The following IGSF11 variants were observed in gnomAD, a reference collection of about 807,000 sequenced individuals.
The protein encoded by IGSF11 is CXADR like 1.
Under a neutral mutation model 41.0 loss-of-function variants are expected in IGSF11, and 22 were observed. That is an observed-to-expected ratio of 0.54 (90% CI 0.38 to 0.77). IGSF11 has a LOEUF of 0.77. Among genes scored for constraint, IGSF11 ranks in the 30% least tolerant of loss-of-function variants. The pLI is 0.00. For missense variants in IGSF11, 444 were observed against 530.8 expected (o/e 0.84, Z 1.61); for synonymous variants, 219 against 201.3 (o/e 1.09, Z -0.74).
In IGSF11 at chr3:118,902,472, T is replaced by G; in HGVS notation, c.*48A>C. ...TCCCCACCCCACCCTCCCCCTTGTA[T>G]GAGGGCATTCCATTTATTCATTTCT... On this transcript the variant is annotated 3_prime_UTR_variant, in exon 7 of 7. Transcript: ENST00000393775. The G allele has an allele frequency of 1.4e-6, 1 of 702,166 alleles. No homozygotes were observed. The highest frequency in any genetic ancestry group is 2.3e-6 in the Non-Finnish European group (1 of 427,550). The allele number at this position is 702,166 out of a possible 1,614,324, so 43.5% of individuals were successfully genotyped here.
intron 1 of IGSF11, among the ~76,000 whole-genome samples, chr3:118,997,372 T>G (rs1369075859): frequency 1.3e-5 from 2 of 152,230 alleles, no homozygotes; most frequent in Non-Finnish European, 2.9e-5. Flanking sequence ...TCTGGAATTC[T>G]GCAGCACTGG....
At chr3:119,050,484 A>G (rs1464902002) in intron 1 of IGSF11, among the ~76,000 whole-genome samples, 1 of 152,044 alleles carries the variant, frequency 6.6e-6, no homozygotes, top group Non-Finnish European at 1.5e-5. Context: ...ATCATTAAAA[A>G]GTCAGGAAAC....
At chr3:119,023,935 C>T (rs1419766855) in intron 1 of IGSF11, among the ~76,000 whole-genome samples, 2 of 152,078 alleles carry the variant, frequency 1.3e-5, no homozygotes, top group Admixed American at 1.3e-4. Flanking sequence ...TTAATGCAGG[C>T]AGATGGCTTG....
chr3:118,914,820 AAGAC>A (rs1940873780), intron 4 of IGSF11, among the ~76,000 whole-genome samples: 1 of 122,522 alleles, frequency 8.2e-6, no homozygotes, highest in Non-Finnish European at 1.7e-5. Flanking sequence ...GACAAACAAA[AAGAC>A]AGCAGTAACC....
intron 1 of IGSF11, among the ~76,000 whole-genome samples, chr3:119,014,362 C>T (rs969986551): frequency 6.6e-6 from 1 of 152,088 alleles, no homozygotes; most frequent in Non-Finnish European, 1.5e-5. Context: ...ACACAACATC[C>T]CCATTGTACC....
chr3:118,935,212 A>G lies in IGSF11; in HGVS notation c.53-4937T>C, dbSNP rs184942384. ...ATCTAATCCAATTACTTCAATTTCC[A>G]CATGAAATATCAGGGTGTATATACA... On this transcript the variant is annotated intron_variant, in intron 1 of 6. Transcript: ENST00000393775. Among the ~76,000 whole-genome samples the G allele has an allele frequency of 1.5e-4, 23 of 148,644 alleles. No homozygotes were observed. In the East Asian group the frequency reaches 4.5e-3, roughly 29 times the overall value.
intron 1 of IGSF11, among the ~76,000 whole-genome samples, chr3:119,129,457 G>A (rs982184770): frequency 2.0e-4 from 30 of 152,136 alleles, no homozygotes; most frequent in East Asian, 1.9e-3. Context: ...ACTAAAATAT[G>A]AGCCATTTGA....
chr3:118,974,676 G>C (rs1166308192), intron 1 of IGSF11, among the ~76,000 whole-genome samples: 1 of 152,028 alleles, frequency 6.6e-6, no homozygotes, highest in Non-Finnish European at 1.5e-5. Context: ...CCCTAATTTT[G>C]TCTTCTCCTT....
chr3:119,095,412 A>G (rs2076833575), intron 1 of IGSF11, among the ~76,000 whole-genome samples: 1 of 152,192 alleles, frequency 6.6e-6, no homozygotes, highest in Non-Finnish European at 1.5e-5. Context: ...AGGTGACCTT[A>G]TTGTCAGCCT....
At chr3:118,994,483 C>T (rs751179814) in intron 1 of IGSF11, among the ~76,000 whole-genome samples, 19 of 152,148 alleles carry the variant, frequency 1.2e-4, no homozygotes, top group Non-Finnish European at 2.6e-4. Flanking sequence ...ATAGTAAGTC[C>T]TCATCTCTAC....
Position 119,032,267 on chromosome 3 carries a change from C to T in IGSF11, c.52+2264G>A, listed in dbSNP as rs187245006. Among the ~76,000 whole-genome samples, 222 of 152,252 alleles carry T rather than the reference C, an allele frequency of 1.5e-3. 1 individual carries two copies. The highest frequency in any genetic ancestry group is 1.9e-3 in the Non-Finnish European group (129 of 68,030). On this transcript the variant is annotated intron_variant, in intron 1 of 6. Transcript: ENST00000393775. ...ACCAGCTTTGTTCAGATATACACCC[C>T]TCCTGCTATTCCACATTGAAAATTC...
chr3:118,942,783 A>C (rs1262894010), intron 1 of IGSF11, among the ~76,000 whole-genome samples: 1 of 152,066 alleles, frequency 6.6e-6, no homozygotes, highest in Non-Finnish European at 1.5e-5. Flanking sequence ...TCGGCTTTGC[A>C]GGGTGAAAAG....
intron 1 of IGSF11, among the ~76,000 whole-genome samples, chr3:119,143,921 C>T (rs535037614): frequency 1.1e-3 from 161 of 151,778 alleles, no homozygotes; most frequent in African/African-American, 3.8e-3. Context: ...TTTATTTCTT[C>T]TTGTTTATAA....
upstream of IGSF11, among the ~76,000 whole-genome samples, chr3:119,039,124 A>G (rs1576712976): frequency 2.0e-5 from 3 of 152,216 alleles, no homozygotes; most frequent in African/African-American, 7.2e-5. Flanking sequence ...TCCTTACTGT[A>G]AATGACAGGG....
Position 119,018,939 on chromosome 3 carries a change from G to T in IGSF11, c.52+15592C>A, listed in dbSNP as rs141332107. The stretch of plus-strand genomic sequence containing the variant: ...TGTGCCCAGAAACTATTCAACTCCA[G>T]TGTTCCAAGCTGTTTAACCACATTC... On this transcript the variant is annotated intron_variant, in intron 1 of 6. Coordinates refer to ENST00000393775, the MANE Select transcript of IGSF11 (RefSeq NM_001015887.3). 7.5e-3 allele frequency among the ~76,000 whole-genome samples: 1,139 copies of T among 152,310 alleles called. 32 individuals carry two copies. Among genetic ancestry groups the T allele is most frequent in the Admixed American group, 0.052 (794 of 15,298 alleles).
chr3:119,038,204 A>T (rs1017927137), upstream of IGSF11, among the ~76,000 whole-genome samples: 6 of 152,242 alleles, frequency 3.9e-5, no homozygotes, highest in Non-Finnish European at 8.8e-5. Context: ...GCATCATTAC[A>T]GTAAGAAAGA....
At chr3:119,104,620 T>C (rs2076990905) in intron 1 of IGSF11, among the ~76,000 whole-genome samples, 1 of 152,184 alleles carries the variant, frequency 6.6e-6, no homozygotes, top group South Asian at 2.1e-4. Context: ...TATAAGAAAA[T>C]TGAACCTTTA....
chr3:119,041,629 A>G (rs1559829398), intron 1 of IGSF11, among the ~76,000 whole-genome samples: 2 of 152,214 alleles, frequency 1.3e-5, no homozygotes, highest in African/African-American at 4.8e-5. Flanking sequence ...ATTACTACAT[A>G]TGCTGCAGAT....
At chr3:119,120,996 T>C (rs1462301375) in intron 1 of IGSF11, among the ~76,000 whole-genome samples, 2 of 152,060 alleles carry the variant, frequency 1.3e-5, no homozygotes, top group Admixed American at 6.5e-5. Context: ...TCATGACCTA[T>C]AGAATTAATA....
Sources: allele counts gnomAD v4.1 joint callset (sites outside exome capture counted in the v4.1 genomes callset), GRCh38; gene constraint gnomAD v4.1.1; transcripts MANE v1.5; gene names NCBI Gene and HGNC (gene_info 2026-07-23, HGNC 2026-07-21).